Variants in SIPA1L1 observed in about 807,000 individuals in gnomAD.
The protein encoded by SIPA1L1 is signal induced proliferation associated 1 like 1, also known as signal-induced proliferation-associated 1-like protein 1.
Under a neutral mutation model 162.7 loss-of-function variants are expected in SIPA1L1, and 26 were observed. That is an observed-to-expected ratio of 0.16 (90% CI 0.12 to 0.22). SIPA1L1 has a LOEUF of 0.22. Ranked by LOEUF, SIPA1L1 falls within the 10% of genes least tolerant of loss-of-function variation. The probability of loss-of-function intolerance (pLI) is 1.00; values close to 1 mark genes in which losing one functional copy is unlikely to be tolerated. For missense variants in SIPA1L1, 1,874 were observed against 2,241.0 expected (o/e 0.84, Z 3.31); for synonymous variants, 829 against 837.4 (o/e 0.99, Z 0.17).
intron 2 of SIPA1L1, among the ~76,000 whole-genome samples, chr14:71,328,514 G>C (rs1341446917): frequency 3.9e-5 from 6 of 152,168 alleles, no homozygotes; most frequent in Non-Finnish European, 8.8e-5. Context: ...ATAATTTTTA[G>C]ATCTATGCTT....
intron 5 of SIPA1L1, among the ~76,000 whole-genome samples, chr14:71,612,476 A>G (rs2038341522): frequency 6.6e-6 from 1 of 152,230 alleles, no homozygotes; most frequent in Admixed American, 6.5e-5. Flanking sequence ...TATTGTAAAC[A>G]TGTTTCAAGC....
At chr14:71,323,899 T>A (rs117100276) in intron 2 of SIPA1L1, among the ~76,000 whole-genome samples, 1 of 152,224 alleles carries the variant, frequency 6.6e-6, no homozygotes, top group Admixed American at 6.5e-5. Context: ...GGTACCCTGA[T>A]GCCCTCGTAA....
chr14:71,683,536 T>C (rs1248825501), intron 12 of SIPA1L1, among the ~76,000 whole-genome samples: 1 of 152,232 alleles, frequency 6.6e-6, no homozygotes, highest in Non-Finnish European at 1.5e-5. Context: ...TAATATGCCT[T>C]ATTTAGTCAG....
At chr14:71,684,582 C>T (rs544972178) in intron 12 of SIPA1L1, among the ~76,000 whole-genome samples, 1 of 152,314 alleles carries the variant, frequency 6.6e-6, no homozygotes, top group Admixed American at 6.5e-5. Flanking sequence ...TCGCAATGTG[C>T]GGTGGCGGGA....
intron 2 of SIPA1L1, among the ~76,000 whole-genome samples, chr14:71,371,394 T>G (rs980022415): frequency 6.6e-6 from 1 of 152,160 alleles, no homozygotes; most frequent in African/African-American, 2.4e-5. Flanking sequence ...TATTTTTATT[T>G]TTATTTTTTT....
chr14:71,556,689 C>T lies in SIPA1L1; in HGVS notation c.-303+27319C>T, dbSNP rs373331210. On this transcript the variant is annotated intron_variant, in intron 4 of 23. Transcript: ENST00000381232. ...ACGGAGCTTCCGTGCCCTCCTTTGG[C>T]GTGCCACCTTCCAAGAACTTCTACA... Among the ~76,000 whole-genome samples the T allele has an allele frequency of 2.8e-4, 43 of 151,656 alleles. No homozygotes were observed. In the East Asian group the frequency reaches 8.2e-3, roughly 29 times the overall value.
intron 2 of SIPA1L1, among the ~76,000 whole-genome samples, chr14:71,466,207 C>G (rs1163033598): frequency 6.6e-6 from 1 of 152,158 alleles, no homozygotes; most frequent in Non-Finnish European, 1.5e-5. Context: ...AATGCTACCA[C>G]CAAAGAGAGC....
chr14:71,517,722 T>C (rs2051888418), intron 3 of SIPA1L1, among the ~76,000 whole-genome samples: 1 of 152,174 alleles, frequency 6.6e-6, no homozygotes, highest in Non-Finnish European at 1.5e-5. Flanking sequence ...GTCAAGCTAG[T>C]AGTGTGAAAG....
At chr14:71,480,024 C>G (rs1261021977) in intron 2 of SIPA1L1, among the ~76,000 whole-genome samples, 1 of 152,124 alleles carries the variant, frequency 6.6e-6, no homozygotes, top group Non-Finnish European at 1.5e-5. Context: ...CAGGCATGAG[C>G]CATTGCATGC....
chr14:71,327,562 A>C (rs1171486387), intron 2 of SIPA1L1, among the ~76,000 whole-genome samples: 1 of 152,206 alleles, frequency 6.6e-6, no homozygotes, highest in Non-Finnish European at 1.5e-5. Flanking sequence ...GGATGTCCTA[A>C]AATTTTCACC....
intron 2 of SIPA1L1, among the ~76,000 whole-genome samples, chr14:71,323,878 C>T (rs2033465085): frequency 6.6e-6 from 1 of 152,108 alleles, no homozygotes; most frequent in Non-Finnish European, 1.5e-5. Flanking sequence ...TATTTTCTGG[C>T]ATGGAGTTAT....
At chr14:71,428,857 C>A (rs1056784363) in intron 2 of SIPA1L1, among the ~76,000 whole-genome samples, 16 of 152,342 alleles carry the variant, frequency 1.1e-4, no homozygotes, top group Admixed American at 5.2e-4. Flanking sequence ...TGCCCCAGGA[C>A]TTGGGGTAGA....
intron 2 of SIPA1L1, among the ~76,000 whole-genome samples, chr14:71,420,646 G>T (rs185511428): frequency 1.3e-5 from 2 of 152,148 alleles, no homozygotes; most frequent in African/African-American, 2.4e-5. Flanking sequence ...AGAGAAAAGT[G>T]CAGTGAGCCC....
At chr14:71,667,097 T>C (rs1007896415) in intron 10 of SIPA1L1, among the ~76,000 whole-genome samples, 2 of 152,126 alleles carry the variant, frequency 1.3e-5, no homozygotes, top group African/African-American at 4.8e-5. Context: ...CATAGCTTAC[T>C]GCATGGGGGC....
intron 2 of SIPA1L1, among the ~76,000 whole-genome samples, chr14:71,466,024 G>A (rs1040121327): frequency 6.6e-6 from 1 of 152,160 alleles, no homozygotes; most frequent in African/African-American, 2.4e-5. Flanking sequence ...TGACTCAAAT[G>A]TTAATCTTTT....
At chr14:71,620,527 T>G (rs1029139130) in intron 6 of SIPA1L1, among the ~76,000 whole-genome samples, 6 of 152,238 alleles carry the variant, frequency 3.9e-5, no homozygotes, top group African/African-American at 1.4e-4. Flanking sequence ...ATTCATTTCC[T>G]TATCACTTGT....
At chr14:71,704,368 G>T (rs1487110991) in intron 15 of SIPA1L1, among the ~76,000 whole-genome samples, 1 of 152,166 alleles carries the variant, frequency 6.6e-6, no homozygotes, top group Non-Finnish European at 1.5e-5. Context: ...ATGTTTACGA[G>T]GTTCTTATTG....
At chr14:71,365,609 CT>C (rs1358699548) in intron 2 of SIPA1L1, among the ~76,000 whole-genome samples, 2 of 152,068 alleles carry the variant, frequency 1.3e-5, no homozygotes, top group East Asian at 3.8e-4. Context: ...ATAATAATTC[CT>C]TTGCATTTCT....
chr14:71,543,939 A>G (rs1301135548), intron 4 of SIPA1L1, among the ~76,000 whole-genome samples: 3 of 144,752 alleles, frequency 2.1e-5, no homozygotes, highest in South Asian at 2.1e-4. Flanking sequence ...ATATGTGTGT[A>G]TATATACATA....
Sources: gnomAD v4.1 joint callset for allele counts (sites outside exome capture counted in the v4.1 genomes callset) on GRCh38, gnomAD v4.1.1 for gene constraint, MANE v1.5 for transcripts, NCBI Gene and HGNC (gene_info 2026-07-23, HGNC 2026-07-21) for gene names.